Variants in SON observed in about 807,000 individuals in gnomAD.
The protein encoded by SON is protein SON.
Under a neutral mutation model 173.3 loss-of-function variants are expected in SON, and 4 were observed. That is an observed-to-expected ratio of 0.02 (90% CI 0.01 to 0.05). SON has a LOEUF of 0.05. Ranked by LOEUF, SON falls within the 10% of genes least tolerant of loss-of-function variation. The pLI, the probability that SON is intolerant of heterozygous loss-of-function variation, is 1.00. For missense variants in SON, 2,626 were observed against 3,055.3 expected, an observed-to-expected ratio of 0.86 and a Z score of 3.31; for synonymous variants, 1,190 against 1,105.9, an observed-to-expected ratio of 1.08 and a Z score of -1.51.
At chr21:33,546,561 C>T (rs2085621540) in intron 2 of SON, 182 bp downstream of exon 2, 1 of 421,818 alleles carries the variant, frequency 2.4e-6, no homozygotes, top group South Asian at 2.8e-5. Context: ...GGGTGGATCA[C>T]CTGAGGTCAG....
Position 33,551,885 on chromosome 21 carries a change from T to C in SON, c.2654T>C (p.Met885Thr), listed in dbSNP as rs1261780752. The change falls in exon 3 of 12, where the codon ATG becomes ACG. Residue 885 changes from methionine to threonine, a missense_variant. Transcript: ENST00000356577. ...GCTTCTGGCACCATGGATGCTCAGA[T>C]GTTAGCGTCTGGTACCATGGATGCC... ...MLASGTMDAQ[M>T]LASGTMDAQM... 1 of 1,613,948 alleles carries C rather than the reference T, an allele frequency of 6.2e-7. No homozygotes were observed. Among genetic ancestry groups the C allele is most frequent in the East Asian group, 2.2e-5 (1 of 44,896 alleles).
At position 33,552,616 on chromosome 21, in the gene SON, G is replaced by A; in HGVS notation, c.3385G>A (p.Ala1129Thr). 6.2e-7 allele frequency: 1 copy of A among 1,614,100 alleles called. No individual in the cohort carries two copies. The highest frequency in any genetic ancestry group is 8.5e-7 in the Non-Finnish European group (1 of 1,180,022). The part of the protein sequence containing the change: ...TADRSMMSMA[A>T]DSYTDSYTDT... ...TGATCGTTCAATGATGTCTATGGCT[G>A]CTGATTCTTACACCGATTCTTACAC... The change falls in exon 3 of 12, where the codon GCT becomes ACT. Residue 1129 changes from alanine (A) to threonine (T), a missense_variant. Ala to Thr is a moderately conservative substitution (Grantham distance 58). Coordinates refer to ENST00000356577, the MANE Select transcript of SON (RefSeq NM_138927.4). The surrounding 1 kb of genome is among the most constrained non-coding windows in gnomAD (Gnocchi z 5.6).
At chr21:33,572,994 G>A (rs534148122) in intron 8 of SON, 4 of 240,908 alleles carry the variant, frequency 1.7e-5, no homozygotes, top group African/African-American at 9.1e-5. Flanking sequence ...GCTAAGAAGA[G>A]ATACCAGTGA....
intron 6 of SON, among the ~76,000 whole-genome samples, chr21:33,562,238 A>G (rs977040564): frequency 2.6e-5 from 4 of 152,204 alleles, no homozygotes; most frequent in Non-Finnish European, 4.4e-5. Context: ...ATATATACCA[A>G]TGTTGTGAAA....
Position 33,550,363 on chromosome 21 carries a change from G to T in SON, c.1132G>T (p.Ala378Ser). The change falls in exon 3 of 12, where the codon GCC becomes TCC. Residue 378 changes from alanine (A) to serine (S), a missense_variant. Transcript: ENST00000356577. ...GTTGGAGCTGCAGGAGTCGTCGGTG[G>T]CCTCAGCGATGGAGTTGCCGGGGCC... ...TALELQESSV[A>S]SAMELPGPPA... 6.2e-7 allele frequency: 1 copy of T among 1,614,088 alleles called. No homozygotes were observed. The highest frequency in any genetic ancestry group is 8.5e-7 in the Non-Finnish European group (1 of 1,180,028).
intron 3 of SON, 105 bp from the exon 4 acceptor site, chr21:33,557,051 C>T (rs1411154892): frequency 1.3e-5 from 12 of 892,894 alleles, no homozygotes; most frequent in Admixed American, 3.4e-5. Context: ...CCAAGTTCTT[C>T]GATGGATCTA....
At chr21:33,557,365 A>G in intron 4 of SON, 49 bp downstream of exon 4, 1 of 1,597,818 alleles carries the variant, frequency 6.3e-7, no homozygotes, top group Non-Finnish European at 8.6e-7. Context: ...TATTCCAGTG[A>G]TGTTGACTCT....
chr21:33,550,251 A>C lies in SON; in HGVS notation c.1020A>C (p.Pro340=), dbSNP rs1160431297. ...CTGCAATTGAAGCGCTAAGATTGCC[A>C]GAGCAGCCTGTAGACGTACCATCGG... ...ESSAIEALRL[P]EQPVDVPSEI... is the part of the protein sequence containing the mutation. Residue 340 remains proline (P), a synonymous_variant, in exon 3 of 12, where the codon CCA becomes CCC. Transcript: ENST00000356577. 2 of 1,614,294 alleles carry C rather than the reference A, an allele frequency of 1.2e-6. No individual in the cohort carries two copies. The highest frequency in any genetic ancestry group is 1.7e-6 in the Non-Finnish European group (2 of 1,180,056).
chr21:33,575,693 C>T (rs754820283), intron 10 of SON, 26 bp downstream of exon 10: 2 of 1,599,822 alleles, frequency 1.3e-6, no homozygotes, highest in East Asian at 2.2e-5. Flanking sequence ...TGAATTTCCT[C>T]TTACCCTAAT....
At chr21:33,558,458 C>G (rs940632276) in intron 4 of SON, 1 of 152,190 alleles carries the variant, frequency 6.6e-6, no homozygotes, top group Admixed American at 6.5e-5. Context: ...TGCCATACAT[C>G]TGGGAAAATG....
intron 6 of SON, among the ~76,000 whole-genome samples, chr21:33,561,398 A>T (rs1322830587): frequency 6.6e-6 from 1 of 152,186 alleles, no homozygotes; most frequent in African/African-American, 2.4e-5. Context: ...CCTAATATGT[A>T]TGCTTTTAGT....
At chr21:33,566,274 G>T (rs1322891852) in intron 6 of SON, among the ~76,000 whole-genome samples, 1 of 152,000 alleles carries the variant, frequency 6.6e-6, no homozygotes, top group African/African-American at 2.4e-5. Flanking sequence ...CAAGAAATGA[G>T]TTGATAAAAA....
intron 3 of SON, 68 bp downstream of exon 3, chr21:33,555,459 T>C: frequency 7.2e-7 from 1 of 1,384,246 alleles, no homozygotes; most frequent in Non-Finnish European, 9.6e-7. Flanking sequence ...TTTTCTGACC[T>C]TGAGTCAAGT....
intron 4 of SON, chr21:33,557,688 G>T: frequency 6.8e-7 from 1 of 1,467,424 alleles, no homozygotes; most frequent in Non-Finnish European, 9.0e-7. Flanking sequence ...CTGCATATAC[G>T]CAAAGACACA....
intron 8 of SON, among the ~76,000 whole-genome samples, chr21:33,570,392 T>G (rs2086257618): frequency 1.3e-5 from 2 of 152,338 alleles, no homozygotes; most frequent in Middle Eastern, 6.8e-3. Flanking sequence ...TTTGTTGATC[T>G]TACTAACAAA....
At chr21:33,544,203 C>T (rs900445783) in intron 1 of SON, among the ~76,000 whole-genome samples, 3 of 152,178 alleles carry the variant, frequency 2.0e-5, no homozygotes, top group Admixed American at 1.3e-4. Flanking sequence ...CAAAGTAATA[C>T]AGGATTATTA....
rs1290987624 is a variant in SON at position 33,573,421 on chromosome 21, A to G, written c.6999A>G (p.Glu2333=). 1.2e-6 allele frequency: 2 copies of G among 1,613,442 alleles called. No homozygotes were observed. Among genetic ancestry groups the G allele is most frequent in the Non-Finnish European group, 8.5e-7 (1 of 1,179,552 alleles). ...GAAAAAACAAAGAAGGCAATAAGGA[A>G]CCCATCCTAGTTGATTTTAAGACAG... is the stretch of plus-strand genomic sequence containing the variant. ...GLGKNKEGNK[E]PILVDFKTDR... Residue 2333 remains glutamate, a synonymous_variant, in exon 9 of 12, where the codon GAA becomes GAG. Transcript: ENST00000356577.
chr21:33,560,134 A>C, intron 6 of SON: 2 of 1,610,158 alleles, frequency 1.2e-6, no homozygotes, highest in East Asian at 2.2e-5. Context: ...GGTGGTAGCA[A>C]ATTTATCGGG....
chr21:33,565,169 T>G (rs2086144224), intron 6 of SON, among the ~76,000 whole-genome samples: 1 of 152,204 alleles, frequency 6.6e-6, no homozygotes, highest in Non-Finnish European at 1.5e-5. Flanking sequence ...TGTAATAGTT[T>G]GCTTTCCACT....
Sources: allele counts gnomAD v4.1 joint callset (sites outside exome capture counted in the v4.1 genomes callset), GRCh38; gene constraint gnomAD v4.1.1; non-coding constraint Gnocchi (gnomAD v3.1); transcripts MANE v1.5; gene names NCBI Gene and HGNC (gene_info 2026-07-23, HGNC 2026-07-21).